Variants in MROH7 observed in about 807,000 individuals in gnomAD.
The protein encoded by MROH7 is maestro heat like repeat family member 7, also known as maestro heat-like repeat-containing protein family member 7.
MROH7 carries 113 observed loss-of-function variants against 129.2 expected under a neutral mutation model. The observed-to-expected ratio is 0.87, with a 90% confidence interval of 0.75 to 1.02. MROH7 has a LOEUF of 1.02. MROH7 is among the 50% of genes least tolerant of loss of function. The probability of loss-of-function intolerance (pLI) is 0.00; values close to 1 mark genes in which losing one functional copy is unlikely to be tolerated. For missense variants in MROH7, 1,601 were observed against 1,671.3 expected (o/e 0.96, Z 0.73); for synonymous variants, 655 against 667.9 (o/e 0.98, Z 0.30).
intron 3 of MROH7, among the ~76,000 whole-genome samples, chr1:54,661,042 G>C (rs1411286561): frequency 6.7e-6 from 1 of 150,060 alleles, no homozygotes; most frequent in Non-Finnish European, 1.5e-5. Flanking sequence ...AGAAGGGAAC[G>C]GCATGTACAT....
chr1:54,686,517 C>A, intron 15 of MROH7, 69 bp downstream of exon 15: 2 of 1,441,236 alleles, frequency 1.4e-6, no homozygotes, highest in South Asian at 1.2e-5. Flanking sequence ...TCAGAGCCTC[C>A]AAAAGTCTCA....
At chr1:54,699,167 C>CTTTCTTTCT (rs1645386407) in intron 17 of MROH7, 1 of 113,086 alleles carries the variant, frequency 8.8e-6, no homozygotes, top group Non-Finnish European at 1.9e-5. Flanking sequence ...TCTTTTCTTT[C>CTTTCTTTCT]TTTCTTTCTT....
intron 19 of MROH7, 106 bp from the exon 20 acceptor site, chr1:54,701,984 A>C: frequency 9.9e-7 from 1 of 1,012,000 alleles, no homozygotes; most frequent in Non-Finnish European, 1.4e-6. Context: ...AAGAGTCGGG[A>C]GAGTTCCAGA....
In MROH7 at chr1:54,682,701, C is replaced by T; in HGVS notation, c.2427C>T (p.Ser809=). The T allele has an allele frequency of 1.9e-6, 3 of 1,614,148 alleles. No individual in the cohort carries two copies. Among genetic ancestry groups the T allele is most frequent in the Non-Finnish European group, 2.5e-6 (3 of 1,180,012 alleles). Residue 809 remains serine, a synonymous_variant, in exon 14 of 24, where the codon AGC becomes AGT. Coordinates refer to ENST00000421030, the MANE Select transcript of MROH7 (RefSeq NM_001039464.4). ...GGCAGCTGATACTGTGTAAGCCCAG[C>T]TGTGATGTCCGAGACCTCCTGGATC... is the stretch of plus-strand genomic sequence containing the variant. ...MWRQLILCKP[S]CDVRDLLDLL... is the part of the protein sequence containing the mutation.
At chr1:54,689,369 T>A (rs1002887055) in intron 15 of MROH7, among the ~76,000 whole-genome samples, 1 of 152,208 alleles carries the variant, frequency 6.6e-6, no homozygotes, top group Non-Finnish European at 1.5e-5. Context: ...ACACCTTAAT[T>A]TTGGATATCT....
chr1:54,704,763 A>G (rs922357543), intron 21 of MROH7, among the ~76,000 whole-genome samples: 5 of 133,582 alleles, frequency 3.7e-5, no homozygotes, highest in African/African-American at 8.5e-5. Context: ...CTACATTTTT[A>G]TAGGACATGA....
In MROH7 at chr1:54,653,713, G is replaced by C. The variant is rs374661840; in HGVS notation, c.787G>C (p.Ala263Pro). 8.1e-6 allele frequency: 13 copies of C among 1,614,022 alleles called. No homozygotes were observed. Among genetic ancestry groups the C allele is most frequent in the Non-Finnish European group, 9.3e-6 (11 of 1,180,036 alleles). Residue 263 changes from alanine to proline, a missense_variant, in exon 3 of 24, where the codon GCC becomes CCC. By Grantham distance (27) the Ala-to-Pro change is conservative. Coordinates refer to ENST00000421030, the MANE Select transcript of MROH7 (RefSeq NM_001039464.4). ...HNISESVSKG[A>P]FSTTWSTSSK... is the part of the protein sequence containing the mutation. The stretch of plus-strand genomic sequence containing the variant: ...TATCTCTGAGTCTGTTTCAAAAGGA[G>C]CCTTTAGTACCACCTGGAGCACAAG...
chr1:54,653,603 C>T lies in MROH7; in HGVS notation c.677C>T (p.Ser226Phe), dbSNP rs577042721. ...PLLNMGSRNT[S>F]KLNLNVAPDS... ...CTCAACATGGGCTCAAGAAACACCTCCAAGCTGAACCTGAATGTAGCTCCA... is the reference window on the plus strand; with the variant it reads ...CTCAACATGGGCTCAAGAAACACCTTCAAGCTGAACCTGAATGTAGCTCCA... Residue 226 changes from serine to phenylalanine, a missense_variant, in exon 3 of 24, where the codon TCC becomes TTC. Ser to Phe is a radical substitution (Grantham distance 155). Transcript: ENST00000421030. 4 of 1,614,176 alleles carry T rather than the reference C, an allele frequency of 2.5e-6. No individual in the cohort carries two copies. In the African/African-American group the frequency reaches 4.0e-5, roughly 16 times the overall value.
chr1:54,689,831 G>A (rs1377232167), intron 15 of MROH7, among the ~76,000 whole-genome samples: 3 of 152,236 alleles, frequency 2.0e-5, no homozygotes, highest in East Asian at 1.9e-4. Context: ...GCAACATGGC[G>A]AAACCCCATC....
chr1:54,679,499 G>T, intron 12 of MROH7, 60 bp downstream of exon 12: 1 of 1,555,332 alleles, frequency 6.4e-7, no homozygotes, highest in Non-Finnish European at 8.8e-7. Flanking sequence ...TCCCCCCATG[G>T]CCTGCTCATC....
chr1:54,679,839 C>T lies in MROH7; in HGVS notation c.2227-52C>T, dbSNP rs146370700. 5.6e-3 allele frequency: 8,818 copies of T among 1,562,118 alleles called. 36 individuals are homozygous for T. The highest frequency in any genetic ancestry group is 6.6e-3 in the Non-Finnish European group (7,641 of 1,151,286). On this transcript the variant is annotated intron_variant, in intron 12 of 23. Transcript: ENST00000421030. ...TCTCCTCCCACCTTCCTGCTGCCCC[C>T]GTGCTTCCCTTGGCAGTCCCCTTGC...
chr1:54,692,160 T>C (rs115752312), intron 15 of MROH7, among the ~76,000 whole-genome samples: 3 of 152,128 alleles, frequency 2.0e-5, no homozygotes, highest in Admixed American at 6.5e-5. Context: ...GGCTGATGCA[T>C]AGTGGAGGGT....
rs549024881 is a variant in MROH7, at chr1:54,670,934, G to A, written c.1599+5G>A. 3 of 1,596,178 alleles carry A rather than the reference G, an allele frequency of 1.9e-6. No homozygotes were observed. In the Middle Eastern group the frequency reaches 5.0e-4, roughly 265 times the overall value. ...GCCAAGGCTGAGACCATCCAGGTGA[G>A]GCGGGACCTTCCCAGCAGGGCCTCA... is the stretch of plus-strand genomic sequence containing the variant. On this transcript the variant is annotated splice_donor_5th_base_variant and intron_variant, in intron 7 of 23. Coordinates refer to ENST00000421030, the MANE Select transcript of MROH7 (RefSeq NM_001039464.4).
Position 54,692,447 on chromosome 1 carries a change from C to T in MROH7, c.2735C>T (p.Thr912Ile), listed in dbSNP as rs538253628. ...AGCTGGGTGGTGAAAGTGGTGAAAA[C>T]CCTGCTACTGAGGATGGGCTGCTCT... is the stretch of plus-strand genomic sequence containing the variant. The part of the protein sequence containing the change: ...PVRWVVKVVK[T>I]LLLRMGCSYE... The change falls in exon 16 of 24, where the codon ACC becomes ATC. Residue 912 changes from threonine to isoleucine, a missense_variant. Transcript: ENST00000421030. The T allele has an allele frequency of 6.2e-7, 1 of 1,614,074 alleles. No individual in the cohort carries two copies. Among genetic ancestry groups the T allele is most frequent in the Non-Finnish European group, 8.5e-7 (1 of 1,180,000 alleles).
intron 16 of MROH7, among the ~76,000 whole-genome samples, 183 bp downstream of exon 16, chr1:54,692,744 T>C (rs1030235704): frequency 6.6e-6 from 1 of 152,206 alleles, no homozygotes; most frequent in Non-Finnish European, 1.5e-5. Flanking sequence ...ATGTTAAAGA[T>C]AGCACTCACT....
intron 17 of MROH7, chr1:54,697,654 A>AG: frequency 1.4e-6 from 1 of 703,378 alleles, no homozygotes; most frequent in South Asian, 1.5e-5. Context: ...TCTGCACAGC[A>AG]ACCCTGCGAA....
chr1:54,673,003 C>T, intron 7 of MROH7, 88 bp from the exon 8 acceptor site: 2 of 879,986 alleles, frequency 2.3e-6, no homozygotes, highest in South Asian at 1.5e-5. Flanking sequence ...TTAATTCCCC[C>T]TCCTCCCCTG....
intron 3 of MROH7, among the ~76,000 whole-genome samples, chr1:54,655,481 C>T (rs1644629479): frequency 6.6e-6 from 1 of 152,088 alleles, no homozygotes; most frequent in Non-Finnish European, 1.5e-5. Context: ...AGAGACCCTC[C>T]TGCCTCAGCC....
At chr1:54,681,965 C>T (rs534916104) in intron 13 of MROH7, among the ~76,000 whole-genome samples, 3 of 152,302 alleles carry the variant, frequency 2.0e-5, no homozygotes, top group Non-Finnish European at 4.4e-5. Flanking sequence ...AATAACAACA[C>T]TCACCTTAGG....
Sources: allele counts gnomAD v4.1 joint callset (sites outside exome capture counted in the v4.1 genomes callset), GRCh38; gene constraint gnomAD v4.1.1; transcripts MANE v1.5; gene names NCBI Gene and HGNC (gene_info 2026-07-23, HGNC 2026-07-21).